Variants in PAK5 observed in about 807,000 individuals in gnomAD.
The protein encoded by PAK5 is serine/threonine-protein kinase PAK 5.
A neutral mutation model predicts 65.9 loss-of-function variants in PAK5; 16 were observed. The ratio of observed to expected loss-of-function variants is 0.24; its 90% CI spans 0.16 to 0.37. PAK5 has a LOEUF of 0.37. Among genes scored for constraint, PAK5 ranks in the 10% least tolerant of loss-of-function variants. The probability of loss-of-function intolerance (pLI) is 1.00; values close to 1 mark genes in which losing one functional copy is unlikely to be tolerated. For synonymous variants in PAK5, 371 were observed against 354.9 expected, an observed-to-expected ratio of 1.05 and a Z score of -0.51; for missense variants, 785 against 903.9, an observed-to-expected ratio of 0.87 and a Z score of 1.69.
intron 3 of PAK5, among the ~76,000 whole-genome samples, chr20:9,590,697 C>A (rs73063749): frequency 6.6e-6 from 1 of 152,096 alleles, no homozygotes; most frequent in African/African-American, 2.4e-5. Context: ...TATGGCACCA[C>A]AGGCATCACT....
intron 3 of PAK5, among the ~76,000 whole-genome samples, chr20:9,641,580 G>T (rs565593199): frequency 2.0e-5 from 3 of 151,854 alleles, no homozygotes; most frequent in Admixed American, 6.6e-5. Flanking sequence ...AGTCCTGTGC[G>T]GTGCGCTCAC....
chr20:9,662,642 G>A (rs1052760472), intron 2 of PAK5, among the ~76,000 whole-genome samples: 1 of 152,144 alleles, frequency 6.6e-6, no homozygotes, highest in African/African-American at 2.4e-5. Flanking sequence ...CTGTATGGAG[G>A]AAATCCACTT....
intron 3 of PAK5, among the ~76,000 whole-genome samples, chr20:9,595,124 TAGAG>T (rs1374931690): frequency 6.0e-5 from 9 of 148,790 alleles, no homozygotes; most frequent in Admixed American, 2.0e-4. Context: ...TACATATATA[TAGAG>T]AGAGAGAGAG....
chr20:9,645,603 G>A (rs1261351058), intron 2 of PAK5, among the ~76,000 whole-genome samples: 1 of 137,764 alleles, frequency 7.3e-6, no homozygotes, highest in Non-Finnish European at 1.6e-5. Flanking sequence ...TTTTTTTTTT[G>A]AGACAGAGTA....
intron 3 of PAK5, among the ~76,000 whole-genome samples, chr20:9,641,548 G>A (rs1323597447): frequency 2.6e-5 from 4 of 151,600 alleles, no homozygotes; most frequent in East Asian, 2.0e-4. Context: ...CCGCACCGGG[G>A]CTGCAGGTGG....
chr20:9,738,219 A>G (rs2048412420), intron 1 of PAK5, among the ~76,000 whole-genome samples: 1 of 151,716 alleles, frequency 6.6e-6, no homozygotes. Context: ...CTCGGTGGGA[A>G]TGGAAAATTG....
At chr20:9,740,618 C>T (rs1164362716) in intron 1 of PAK5, among the ~76,000 whole-genome samples, 1 of 152,174 alleles carries the variant, frequency 6.6e-6, no homozygotes, top group Non-Finnish European at 1.5e-5. Flanking sequence ...GCACCACTGC[C>T]CTGAACTTGA....
intron 3 of PAK5, among the ~76,000 whole-genome samples, chr20:9,583,111 C>T (rs1236065469): frequency 1.3e-5 from 2 of 152,158 alleles, no homozygotes; most frequent in Admixed American, 6.6e-5. Flanking sequence ...GGTGTCATTG[C>T]CAGGCCTCAG....
At chr20:9,786,492 C>A (rs1366766162) in intron 1 of PAK5, among the ~76,000 whole-genome samples, 3 of 152,066 alleles carry the variant, frequency 2.0e-5, no homozygotes, top group African/African-American at 7.2e-5. Flanking sequence ...CCTACTCACT[C>A]TTTTAAGAAA....
At chr20:9,814,357 T>C (rs59634637) in intron 1 of PAK5, among the ~76,000 whole-genome samples, 3,580 of 152,264 alleles carry the variant, frequency 0.024, 139 homozygotes, top group African/African-American at 0.082. Context: ...AAATAAATCA[T>C]ATAATGCACA....
At chr20:9,559,714 G>C (rs2045564107) in intron 6 of PAK5, among the ~76,000 whole-genome samples, 1 of 152,082 alleles carries the variant, frequency 6.6e-6, no homozygotes, top group Non-Finnish European at 1.5e-5. Context: ...AGTGAGCGGA[G>C]ATAGCGCCTC....
At chr20:9,797,743 G>A (rs2049122162) in intron 1 of PAK5, among the ~76,000 whole-genome samples, 1 of 150,940 alleles carries the variant, frequency 6.6e-6, no homozygotes, top group Admixed American at 6.6e-5. Flanking sequence ...ACTGACTTAT[G>A]AGAAAATTTA....
intron 1 of PAK5, among the ~76,000 whole-genome samples, chr20:9,751,344 T>C (rs1014601296): frequency 6.6e-6 from 1 of 152,148 alleles, no homozygotes; most frequent in Non-Finnish European, 1.5e-5. Context: ...CATCATCTAA[T>C]TAACAATCAC....
At chr20:9,674,738 T>C (rs1305830920) in intron 2 of PAK5, among the ~76,000 whole-genome samples, 1 of 152,220 alleles carries the variant, frequency 6.6e-6, no homozygotes, top group Non-Finnish European at 1.5e-5. Flanking sequence ...CTGAACAGGC[T>C]GTGACCTGAG....
At chr20:9,784,470 C>G (rs966926185) in intron 1 of PAK5, 1 of 152,136 alleles carries the variant, frequency 6.6e-6, no homozygotes, top group Non-Finnish European at 1.5e-5. Context: ...CAGTAAGAGC[C>G]ATGGGGCTGG....
chr20:9,631,224 C>T (rs1276878610), intron 3 of PAK5, among the ~76,000 whole-genome samples: 1 of 152,130 alleles, frequency 6.6e-6, no homozygotes. Flanking sequence ...TTGATTATCC[C>T]CTCTCCATGA....
intron 2 of PAK5, among the ~76,000 whole-genome samples, chr20:9,699,769 A>T (rs1420908911): frequency 1.3e-5 from 2 of 152,100 alleles, no homozygotes; most frequent in Non-Finnish European, 2.9e-5. Context: ...ATATCGTGTC[A>T]CATGGGGAAT....
intron 1 of PAK5, among the ~76,000 whole-genome samples, chr20:9,833,444 T>C (rs1213435646): frequency 4.3e-5 from 5 of 117,316 alleles, no homozygotes; most frequent in African/African-American, 1.7e-4. Context: ...ACCACCCACA[T>C]CTACCACCCA....
chr20:9,766,496 ATATATATATATATATATT>A (rs2048768692), intron 1 of PAK5, among the ~76,000 whole-genome samples: 1 of 32,342 alleles, frequency 3.1e-5, no homozygotes, highest in African/African-American at 2.6e-4. Context: ...TTCAAGCAGA[ATATATATATATATATATT>A]CAAGCAGAAT....
Sources: gnomAD v4.1 joint callset for allele counts (sites outside exome capture counted in the v4.1 genomes callset) on GRCh38, gnomAD v4.1.1 for gene constraint, MANE v1.5 for transcripts, NCBI Gene and HGNC (gene_info 2026-07-23, HGNC 2026-07-21) for gene names.